The following MCTP1 variants were observed in gnomAD, a reference collection of about 807,000 sequenced individuals.
The protein encoded by MCTP1 is multiple C2 and transmembrane domain-containing protein 1.
Under a neutral mutation model 120.6 loss-of-function variants are expected in MCTP1, and 69 were observed. The ratio of observed to expected loss-of-function variants is 0.57; its 90% CI spans 0.47 to 0.70. The LOEUF is 0.70. Among genes scored for constraint, MCTP1 ranks in the 30% least tolerant of loss-of-function variants. The pLI, the probability that MCTP1 is intolerant of heterozygous loss-of-function variation, is 0.00. For missense variants in MCTP1, 1,203 were observed against 1,248.8 expected (o/e 0.96, Z 0.55); for synonymous variants, 529 against 493.1 (o/e 1.07, Z -0.96).
chr5:94,961,522 C>T (rs535688473), intron 2 of MCTP1, among the ~76,000 whole-genome samples: 1 of 152,246 alleles, frequency 6.6e-6, no homozygotes, highest in Non-Finnish European at 1.5e-5. Context: ...GACTCTAATG[C>T]CTGCACTATT....
intron 6 of MCTP1, 180 bp downstream of exon 6, chr5:94,931,773 T>C (rs1814744557): frequency 6.5e-6 from 4 of 613,300 alleles, no homozygotes; most frequent in African/African-American, 3.8e-5. Context: ...TTTGAAGCTA[T>C]TGATCGGTGT....
chr5:95,040,027 T>C (rs770228159), intron 1 of MCTP1, among the ~76,000 whole-genome samples: 3 of 152,206 alleles, frequency 2.0e-5, no homozygotes, highest in Non-Finnish European at 4.4e-5. Flanking sequence ...GTCAAATGTT[T>C]CTTAGTAACC....
At chr5:94,910,189 C>CATATATGTATATATACATATATGTGT (rs1561843251) in intron 9 of MCTP1, among the ~76,000 whole-genome samples, 39 of 144,250 alleles carry the variant, frequency 2.7e-4, no homozygotes, top group Non-Finnish European at 3.1e-4. Flanking sequence ...TGTATGTGTG[C>CATATATGTATATATACATATATGTGT]ATACATATAT....
At chr5:94,728,531 A>T (rs1300574321) in intron 19 of MCTP1, among the ~76,000 whole-genome samples, 2 of 152,182 alleles carry the variant, frequency 1.3e-5, no homozygotes, top group Non-Finnish European at 2.9e-5. Context: ...TGTAGGCTTA[A>T]ATCCTGTTGT....
chr5:94,733,782 G>T (rs1023452576), intron 19 of MCTP1, among the ~76,000 whole-genome samples: 5 of 152,040 alleles, frequency 3.3e-5, no homozygotes, highest in African/African-American at 1.2e-4. Context: ...TGGCCAATAT[G>T]GTGAAACCCC....
intron 21 of MCTP1, 159 bp downstream of exon 21, chr5:94,710,659 T>G: frequency 1.8e-6 from 1 of 559,314 alleles, no homozygotes; most frequent in Non-Finnish European, 3.2e-6. Flanking sequence ...ACCTAAATCT[T>G]TATACTGTTG....
intron 1 of MCTP1, among the ~76,000 whole-genome samples, chr5:95,228,744 G>A (rs897360083): frequency 4.6e-5 from 7 of 152,126 alleles, no homozygotes; most frequent in African/African-American, 1.4e-4. Flanking sequence ...CCGTCGTCCC[G>A]ATAGTGAACA....
chr5:95,198,118 C>T (rs1376755091), intron 1 of MCTP1, among the ~76,000 whole-genome samples: 1 of 151,864 alleles, frequency 6.6e-6, no homozygotes, highest in Non-Finnish European at 1.5e-5. Flanking sequence ...TACCTATATA[C>T]ATATATATGT....
intron 1 of MCTP1, among the ~76,000 whole-genome samples, chr5:95,089,505 T>C (rs1478499133): frequency 2.0e-5 from 3 of 152,216 alleles, no homozygotes; most frequent in Non-Finnish European, 2.9e-5. Context: ...AATAATACTT[T>C]GGAATTGATT....
At chr5:95,175,387 C>G (rs945024722) in intron 1 of MCTP1, among the ~76,000 whole-genome samples, 2 of 152,198 alleles carry the variant, frequency 1.3e-5, no homozygotes, top group Non-Finnish European at 2.9e-5. Flanking sequence ...TGTTCCTGGA[C>G]TCAGTTTGGT....
chr5:94,782,868 T>C (rs960334333), intron 18 of MCTP1, among the ~76,000 whole-genome samples: 5 of 152,144 alleles, frequency 3.3e-5, no homozygotes, highest in African/African-American at 9.6e-5. Context: ...GTAGAAAAGA[T>C]ACATTTACGA....
intron 1 of MCTP1, among the ~76,000 whole-genome samples, chr5:95,027,102 C>G (rs1247689121): frequency 6.6e-6 from 1 of 152,152 alleles, no homozygotes; most frequent in Non-Finnish European, 1.5e-5. Context: ...TTCAATGAAG[C>G]TCAAGTATCT....
At position 94,952,594 on chromosome 5, in the gene MCTP1, A is replaced by G. The variant is rs1820902471; in HGVS notation, c.981+625T>C. Among the ~76,000 whole-genome samples, 2 of 152,206 alleles carry G rather than the reference A, an allele frequency of 1.3e-5. 1 individual carries two copies. Among genetic ancestry groups the G allele is most frequent in the Non-Finnish European group, 2.9e-5 (2 of 68,038 alleles). On this transcript the variant is annotated intron_variant, in intron 3 of 22. Transcript: ENST00000515393. ...TCAGAGCCTAGGAGCAAAAAAGAAT[A>G]TAAGTACCTAGAGATGTAAATTAAA...
intron 10 of MCTP1, among the ~76,000 whole-genome samples, chr5:94,901,588 A>G (rs1805550031): frequency 6.6e-6 from 1 of 152,140 alleles, no homozygotes; most frequent in African/African-American, 2.4e-5. Flanking sequence ...CCTGACTTCC[A>G]TATCAGAGCT....
At chr5:94,837,712 C>T (rs1166998802) in intron 17 of MCTP1, among the ~76,000 whole-genome samples, 1 of 152,124 alleles carries the variant, frequency 6.6e-6, no homozygotes, top group Non-Finnish European at 1.5e-5. Context: ...ATGCAAATAT[C>T]TAAAATCTGA....
chr5:95,210,274 TG>T (rs1389367969), intron 1 of MCTP1, among the ~76,000 whole-genome samples: 1 of 152,054 alleles, frequency 6.6e-6, no homozygotes, highest in East Asian at 1.9e-4. Context: ...GACAGTGGGG[TG>T]TTAAGGTCTC....
chr5:94,980,393 C>A (rs992659203), intron 2 of MCTP1, among the ~76,000 whole-genome samples: 4 of 152,016 alleles, frequency 2.6e-5, no homozygotes, highest in Admixed American at 6.6e-5. Flanking sequence ...AGTTACAAAC[C>A]CAGTAACATA....
intron 2 of MCTP1, among the ~76,000 whole-genome samples, chr5:94,992,243 T>G (rs895514348): frequency 2.6e-5 from 4 of 152,210 alleles, no homozygotes; most frequent in African/African-American, 7.2e-5. Flanking sequence ...ATTCACTAAC[T>G]TCACCAATAA....
chr5:94,806,009 C>T (rs1580783614), intron 17 of MCTP1, among the ~76,000 whole-genome samples: 2 of 151,532 alleles, frequency 1.3e-5, no homozygotes, highest in East Asian at 3.9e-4. Context: ...TGCGTCAGTA[C>T]AAAGAAATGG....
Sources: gnomAD v4.1 joint callset for allele counts (sites outside exome capture counted in the v4.1 genomes callset) on GRCh38, gnomAD v4.1.1 for gene constraint, MANE v1.5 for transcripts, NCBI Gene and HGNC (gene_info 2026-07-23, HGNC 2026-07-21) for gene names.